The following GRM1 variants were observed in gnomAD, a reference collection of about 807,000 sequenced individuals.
GRM1 encodes glutamate metabotropic receptor 1, also known as metabotropic glutamate receptor 1.
GRM1 carries 33 observed loss-of-function variants against 90.9 expected under a neutral mutation model. That is an observed-to-expected ratio of 0.36 (90% CI 0.28 to 0.49). The LOEUF is 0.49. Among genes scored for constraint, GRM1 ranks in the 20% least tolerant of loss-of-function variants. The pLI, the probability that GRM1 is intolerant of heterozygous loss-of-function variation, is 0.99. For synonymous variants in GRM1, 700 were observed against 613.2 expected (o/e 1.14, Z -2.09); for missense variants, 1,190 against 1,534.3 (o/e 0.78, Z 3.75).
intron 2 of GRM1, among the ~76,000 whole-genome samples, chr6:146,238,570 C>T (rs893624085): frequency 6.6e-6 from 1 of 152,048 alleles, no homozygotes; most frequent in Non-Finnish European, 1.5e-5. Context: ...GTGTTCTTCC[C>T]ACTACAGTTG....
chr6:146,137,117 T>A (rs1776654887), intron 1 of GRM1, among the ~76,000 whole-genome samples: 2 of 152,126 alleles, frequency 1.3e-5, no homozygotes, highest in African/African-American at 2.4e-5. Flanking sequence ...CCTCCCAAAG[T>A]GCTGAGATTA....
At chr6:146,112,440 GTTAC>G (rs1775593767) in intron 1 of GRM1, among the ~76,000 whole-genome samples, 1 of 151,926 alleles carries the variant, frequency 6.6e-6, no homozygotes, top group Non-Finnish European at 1.5e-5. Context: ...GATACATACT[GTTAC>G]TTAGATTTTG....
intron 2 of GRM1, among the ~76,000 whole-genome samples, chr6:146,217,461 T>C (rs1395394209): frequency 6.6e-6 from 1 of 152,228 alleles, no homozygotes; most frequent in African/African-American, 2.4e-5. Context: ...GCTGAATTAA[T>C]ATTTTAAGGC....
intron 2 of GRM1, among the ~76,000 whole-genome samples, chr6:146,221,656 A>T (rs1270134824): frequency 1.3e-5 from 2 of 152,158 alleles, no homozygotes; most frequent in Admixed American, 1.3e-4. Flanking sequence ...CAATAAACAT[A>T]TGTGTGCATG....
chr6:146,221,803 A>G (rs1485623862), intron 2 of GRM1, among the ~76,000 whole-genome samples: 1 of 152,162 alleles, frequency 6.6e-6, no homozygotes, highest in Non-Finnish European at 1.5e-5. Context: ...TTGTTGTGCT[A>G]TGTACACAGC....
chr6:146,263,490 G>A (rs985574947), intron 2 of GRM1, among the ~76,000 whole-genome samples: 5 of 151,918 alleles, frequency 3.3e-5, no homozygotes, highest in African/African-American at 9.7e-5. Flanking sequence ...AAAATTCTAA[G>A]TGTATGTTCA....
In GRM1 at chr6:146,434,415, C is replaced by T; in HGVS notation, c.3204C>T (p.Pro1068=). 6.2e-7 allele frequency: 1 copy of T among 1,613,528 alleles called. No homozygotes were observed. The highest frequency in any genetic ancestry group is 8.5e-7 in the Non-Finnish European group (1 of 1,179,820). ...ACGGGCTGCGGTCCCTGTACCCGCC[C>T]CCGCCACCTCCGCAGCACCTGCAGA... The part of the protein sequence containing the change: ...PGNGLRSLYP[P]PPPPQHLQML... Residue 1068 remains proline, a synonymous_variant, in exon 8 of 8, where the codon CCC becomes CCT. Coordinates refer to ENST00000282753, the MANE Select transcript of GRM1 (RefSeq NM_001278064.2).
intron 2 of GRM1, among the ~76,000 whole-genome samples, chr6:146,234,733 T>C (rs560587861): frequency 1.4e-4 from 22 of 152,250 alleles, no homozygotes; most frequent in African/African-American, 5.1e-4. Flanking sequence ...ATGAATTTTA[T>C]GTTTATCTTG....
chr6:146,414,369 G>A (rs116280400), intron 7 of GRM1, among the ~76,000 whole-genome samples: 1,936 of 110,940 alleles, frequency 0.017, 47 homozygotes, highest in African/African-American at 0.075. Context: ...TTATTGGGCC[G>A]TTTGCCTTTT....
At chr6:146,110,379 C>G (rs1775510100) in intron 1 of GRM1, among the ~76,000 whole-genome samples, 2 of 152,152 alleles carry the variant, frequency 1.3e-5, no homozygotes, top group African/African-American at 4.8e-5. Context: ...AAGCTCTCTT[C>G]TCTTGTCTGC....
chr6:146,247,470 C>T (rs551181979), intron 2 of GRM1, among the ~76,000 whole-genome samples: 5 of 152,082 alleles, frequency 3.3e-5, no homozygotes, highest in South Asian at 2.1e-4. Flanking sequence ...TACATATGGC[C>T]GGGTGCAGCA....
chr6:146,114,547 A>G (rs1162411200), intron 1 of GRM1, among the ~76,000 whole-genome samples: 2 of 152,174 alleles, frequency 1.3e-5, no homozygotes, highest in Admixed American at 1.3e-4. Flanking sequence ...GAAAATTAAG[A>G]TGCCTTCACT....
chr6:146,085,814 T>G (rs75398312), intron 1 of GRM1, among the ~76,000 whole-genome samples: 1,761 of 152,276 alleles, frequency 0.012, 39 homozygotes, highest in African/African-American at 0.04. Context: ...TTAGTTGCTT[T>G]GAGGATTTAG....
chr6:146,322,672 T>C (rs1784242905), intron 3 of GRM1, among the ~76,000 whole-genome samples: 1 of 152,028 alleles, frequency 6.6e-6, no homozygotes, highest in Non-Finnish European at 1.5e-5. Context: ...TACATATGTA[T>C]ACATGTGCCA....
chr6:146,336,301 A>C (rs557121340), intron 3 of GRM1, among the ~76,000 whole-genome samples: 2 of 152,234 alleles, frequency 1.3e-5, no homozygotes, highest in African/African-American at 4.8e-5. Flanking sequence ...TGATTTGTTG[A>C]GGCGTGCTGT....
At position 146,227,123 on chromosome 6, in the gene GRM1, A is replaced by G. The variant is rs148256941; in HGVS notation, c.950+67526A>G. Among the ~76,000 whole-genome samples, 1,375 of 152,182 alleles carry G rather than the reference A, an allele frequency of 9.0e-3. 12 individuals carry two copies. The highest frequency in any genetic ancestry group is 0.013 in the Non-Finnish European group (895 of 67,980). ...TGCAATTATATCAATTTTATATAAA[A>G]CTATTGTATATAACATATAAATATC... On this transcript the variant is annotated intron_variant, in intron 2 of 7. Coordinates refer to ENST00000282753, the MANE Select transcript of GRM1 (RefSeq NM_001278064.2).
At chr6:146,416,704 C>G (rs1264741623) in intron 7 of GRM1, among the ~76,000 whole-genome samples, 1 of 152,130 alleles carries the variant, frequency 6.6e-6, no homozygotes, top group Non-Finnish European at 1.5e-5. Flanking sequence ...AAAACTTGTT[C>G]TGCTTCACCT....
intron 1 of GRM1, among the ~76,000 whole-genome samples, chr6:146,060,793 A>T (rs968583832): frequency 6.6e-6 from 1 of 152,128 alleles, no homozygotes; most frequent in Non-Finnish European, 1.5e-5. Flanking sequence ...GTTGAATGGT[A>T]GCTCTGTTTT....
intron 2 of GRM1, among the ~76,000 whole-genome samples, chr6:146,212,445 C>T (rs1234958482): frequency 6.6e-6 from 1 of 152,100 alleles, no homozygotes; most frequent in Admixed American, 6.5e-5. Context: ...CAGTAGGTGA[C>T]GCGGGTTGGG....
Sources: allele counts gnomAD v4.1 joint callset (sites outside exome capture counted in the v4.1 genomes callset), GRCh38; gene constraint gnomAD v4.1.1; transcripts MANE v1.5; gene names NCBI Gene and HGNC (gene_info 2026-07-23, HGNC 2026-07-21).